The following MYOM2 variants were observed in gnomAD, a reference collection of about 807,000 sequenced individuals.
MYOM2 encodes myomesin 2.
MYOM2 carries 254 observed loss-of-function variants against 187.6 expected under a neutral mutation model. The ratio of observed to expected loss-of-function variants is 1.35; its 90% CI spans 1.22 to 1.50. The LOEUF (loss-of-function observed/expected upper bound fraction) is 1.50. MYOM2 is among the 40% of genes most tolerant of loss of function. MYOM2 has a pLI of 0.00. For synonymous variants in MYOM2, 981 were observed against 753.8 expected, an observed-to-expected ratio of 1.30 and a Z score of -4.94; for missense variants, 2,796 against 1,924.0, an observed-to-expected ratio of 1.45 and a Z score of -8.48.
rs1301348426 is a variant in MYOM2, at chr8:2,078,917, C to A, written c.1446C>A (p.Asp482Glu). ...CGGTGGCTGCACTTGACCCCTTGGA[C>A]CTCAGAAGGTTACAAGGTAAGCTGC... ...SDAVAALDPL[D>E]LRRLQAVHLE... The change falls in exon 12 of 37, where the codon GAC becomes GAA. Residue 482 changes from aspartate (D) to glutamate (E), a missense_variant. By Grantham distance (45) the Asp-to-Glu change is conservative. Transcript: ENST00000262113. The A allele has an allele frequency of 1.2e-6, 2 of 1,613,746 alleles. No homozygotes were observed. The highest frequency in any genetic ancestry group is 2.7e-5 in the African/African-American group (2 of 74,904).
chr8:2,078,868 G>A lies in MYOM2; in HGVS notation c.1397G>A (p.Ser466Asn). The A allele has an allele frequency of 6.2e-7, 1 of 1,614,092 alleles. No individual in the cohort carries two copies. Among genetic ancestry groups the A allele is most frequent in the Non-Finnish European group, 8.5e-7 (1 of 1,179,946 alleles). The change falls in exon 12 of 37, where the codon AGC becomes AAC. Residue 466 changes from serine to asparagine, a missense_variant. By Grantham distance (46) the Ser-to-Asn change is conservative (BLOSUM62 1). Coordinates refer to ENST00000262113, the MANE Select transcript of MYOM2 (RefSeq NM_003970.4). The part of the protein sequence containing the change: ...RVRAVNSAGI[S>N]RPSRVSDAVA... ...AGGGCAGTGAACAGTGCGGGCATCA[G>A]CCGACCCTCCAGGGTCTCTGATGCG...
chr8:2,121,342 G>A (rs1197884921), intron 28 of MYOM2, among the ~76,000 whole-genome samples: 1 of 152,012 alleles, frequency 6.6e-6, no homozygotes, highest in Non-Finnish European at 1.5e-5. Context: ...GCACTCCCAA[G>A]GCCAGTGGCG....
intron 2 of MYOM2, 89 bp from the exon 3 acceptor site, chr8:2,052,069 G>T: frequency 1.3e-6 from 2 of 1,539,586 alleles, no homozygotes; most frequent in East Asian, 2.3e-5. Context: ...AGTGGTTTGG[G>T]GTGTGTAGAG....
At chr8:2,057,157 TGG>T (rs1302189819) in intron 3 of MYOM2, among the ~76,000 whole-genome samples, 189 bp from the exon 4 acceptor site, 1 of 152,230 alleles carries the variant, frequency 6.6e-6, no homozygotes, top group Non-Finnish European at 1.5e-5. Context: ...TCATCATGCA[TGG>T]CATTCACACA....
intron 32 of MYOM2, among the ~76,000 whole-genome samples, chr8:2,138,629 C>T (rs1798165064): frequency 6.6e-6 from 1 of 152,248 alleles, no homozygotes; most frequent in South Asian, 2.1e-4. Flanking sequence ...ACTGCCCTGC[C>T]TTCTAAGGCG....
chr8:2,100,827 T>G, intron 19 of MYOM2, 49 bp from the exon 20 acceptor site: 1 of 1,600,968 alleles, frequency 6.2e-7, no homozygotes, highest in African/African-American at 1.3e-5. Context: ...GCGGTGGGTG[T>G]GCTGGACTGG....
chr8:2,056,303 G>A (rs1818661516), intron 3 of MYOM2, among the ~76,000 whole-genome samples: 1 of 152,152 alleles, frequency 6.6e-6, no homozygotes, highest in South Asian at 2.1e-4. Flanking sequence ...TGTTTCTCAC[G>A]AGTGGGACAG....
chr8:2,083,042 G>T (rs1373825845), intron 13 of MYOM2, among the ~76,000 whole-genome samples: 1 of 152,146 alleles, frequency 6.6e-6, no homozygotes, highest in Non-Finnish European at 1.5e-5. Context: ...GGATTTTTAA[G>T]TGGAGGAAAC....
At chr8:2,113,226 G>A (rs1281893342) in intron 25 of MYOM2, among the ~76,000 whole-genome samples, 1 of 152,244 alleles carries the variant, frequency 6.6e-6, no homozygotes, top group African/African-American at 2.4e-5. Flanking sequence ...ACGCCATCGT[G>A]CCTTGCATTA....
intron 6 of MYOM2, among the ~76,000 whole-genome samples, chr8:2,061,245 G>T (rs531958649): frequency 1.3e-5 from 2 of 151,318 alleles, no homozygotes; most frequent in African/African-American, 4.9e-5. Context: ...CTCTGTCCCC[G>T]TCCAGCCCAG....
In MYOM2 at chr8:2,100,782, C is replaced by G. The variant is rs1285575288; in HGVS notation, c.2441-94C>G. On this transcript the variant is annotated intron_variant, in intron 19 of 36. Coordinates refer to ENST00000262113, the MANE Select transcript of MYOM2 (RefSeq NM_003970.4). ...TACGGATGGTCCTGGTGGGGGGCTT[C>G]CCAGAGGAGCAGTGGGTCCCCGGGG... is the stretch of plus-strand genomic sequence containing the variant. 4 of 1,270,932 alleles carry G rather than the reference C, an allele frequency of 3.1e-6. No individual in the cohort carries two copies. The African/African-American group carries it at 4.4e-5, about 14-fold the overall frequency. The allele number at this position is 1,270,932 out of a possible 1,614,324, so 78.7% of individuals were successfully genotyped here.
intron 23 of MYOM2, among the ~76,000 whole-genome samples, chr8:2,108,413 G>A (rs1305436652): frequency 3.3e-5 from 5 of 151,976 alleles, no homozygotes; most frequent in Admixed American, 6.6e-5. Context: ...CCAGAAGCAC[G>A]TTCTCAGCCA....
intron 19 of MYOM2, 87 bp downstream of exon 19, chr8:2,099,070 G>C (rs1482556972): frequency 1.4e-6 from 2 of 1,449,310 alleles, no homozygotes; most frequent in African/African-American, 2.8e-5. Flanking sequence ...GGACTCGCCA[G>C]CCTTCACAGC....
intron 36 of MYOM2, 76 bp from the exon 37 acceptor site, chr8:2,144,588 A>G: frequency 1.4e-6 from 2 of 1,426,804 alleles, no homozygotes; most frequent in Middle Eastern, 1.8e-4. Context: ...TGTGACCTGG[A>G]GCCCACCGTC....
chr8:2,063,445 C>A (rs1563422409), intron 6 of MYOM2, among the ~76,000 whole-genome samples: 1 of 152,190 alleles, frequency 6.6e-6, no homozygotes, highest in African/African-American at 2.4e-5. Context: ...GTTTTATATG[C>A]TCATAAGATT....
chr8:2,116,406 G>T, intron 27 of MYOM2, 131 bp downstream of exon 27: 1 of 865,714 alleles, frequency 1.2e-6, no homozygotes. Context: ...TAAGAGGTTA[G>T]GCTTACCAAC....
intron 28 of MYOM2, among the ~76,000 whole-genome samples, chr8:2,120,239 G>A (rs1018120716): frequency 3.9e-5 from 6 of 152,074 alleles, no homozygotes; most frequent in African/African-American, 1.4e-4. Context: ...AGATGGAATA[G>A]GAACTTTGGG....
At chr8:2,068,552 G>C (rs1819102075) in intron 6 of MYOM2, among the ~76,000 whole-genome samples, 1 of 151,058 alleles carries the variant, frequency 6.6e-6, no homozygotes, top group African/African-American at 2.4e-5. Flanking sequence ...GTGTGCACCA[G>C]GCGGAGAGCA....
chr8:2,113,754 T>G (rs933221192), intron 25 of MYOM2, among the ~76,000 whole-genome samples: 1 of 152,194 alleles, frequency 6.6e-6, no homozygotes, highest in Non-Finnish European at 1.5e-5. Context: ...TTGCTCAGTG[T>G]CACTTAGTAG....
Sources: allele counts gnomAD v4.1 joint callset (sites outside exome capture counted in the v4.1 genomes callset), GRCh38; gene constraint gnomAD v4.1.1; transcripts MANE v1.5; gene names NCBI Gene and HGNC (gene_info 2026-07-23, HGNC 2026-07-21).